The following NBAS variants were observed in gnomAD, a reference collection of about 807,000 sequenced individuals.
NBAS encodes NAG/BC035112 fusion.
Under a neutral mutation model 302.5 loss-of-function variants are expected in NBAS, and 219 were observed. The observed-to-expected ratio is 0.72, with a 90% CI of 0.65 to 0.81. The LOEUF (loss-of-function observed/expected upper bound fraction) is 0.81. Among genes scored for constraint, NBAS ranks in the 30% least tolerant of loss-of-function variants. NBAS has a pLI of 0.00. For missense variants in NBAS, 2,932 were observed against 2,841.6 expected (o/e 1.03, Z -0.72); for synonymous variants, 1,118 against 1,021.6 (o/e 1.09, Z -1.80).
chr2:14,797,065 T>C, the NBAS span, among the ~76,000 whole-genome samples: 1 of 142,386 alleles, frequency 7.0e-6, no homozygotes, highest in African/African-American at 2.6e-5. Context: ...CACTGCACTG[T>C]AGCCTGGGCA....
chr2:15,018,183 C>G, the NBAS span, among the ~76,000 whole-genome samples: 53 of 151,868 alleles, frequency 3.5e-4, no homozygotes, highest in Admixed American at 5.9e-4. Context: ...TTAAAGAATA[C>G]AAAATTACAG....
chr2:14,964,235 T>C, the NBAS span, among the ~76,000 whole-genome samples: 1 of 152,048 alleles, frequency 6.6e-6, no homozygotes, highest in Admixed American at 6.6e-5. Context: ...GACACAGACG[T>C]TGGGATTAGA....
chr2:14,925,785 C>T, the NBAS span, among the ~76,000 whole-genome samples: 1 of 152,142 alleles, frequency 6.6e-6, no homozygotes, highest in East Asian at 1.9e-4. Flanking sequence ...TGTGAGCCCC[C>T]AAAATGCAAG....
chr2:15,180,891 G>A (rs576459646), intron 50 of NBAS, among the ~76,000 whole-genome samples: 5 of 152,290 alleles, frequency 3.3e-5, no homozygotes, highest in South Asian at 4.1e-4. Flanking sequence ...CTGATTAACC[G>A]TCTACTTGCT....
chr2:14,995,195 T>C, the NBAS span, among the ~76,000 whole-genome samples: 2 of 152,188 alleles, frequency 1.3e-5, no homozygotes, highest in South Asian at 4.1e-4. Context: ...TATCTCCTAA[T>C]ACTATCCCTC....
At chr2:15,052,076 C>T in the NBAS span, among the ~76,000 whole-genome samples, 1 of 152,158 alleles carries the variant, frequency 6.6e-6, no homozygotes, top group Non-Finnish European at 1.5e-5. Flanking sequence ...AGAGCAGAGG[C>T]CAGACTTTAC....
At chr2:14,950,567 C>A in the NBAS span, among the ~76,000 whole-genome samples, 7 of 152,118 alleles carry the variant, frequency 4.6e-5, 1 homozygote, top group Admixed American at 2.0e-4. Flanking sequence ...TTTTAAAAAA[C>A]AAGACTGAAA....
the NBAS span, among the ~76,000 whole-genome samples, chr2:14,930,071 C>T: frequency 1.3e-5 from 2 of 152,318 alleles, no homozygotes; most frequent in East Asian, 3.9e-4. Context: ...GGCCTCCCAG[C>T]CATTCTTCCT....
chr2:14,861,199 C>T, the NBAS span, among the ~76,000 whole-genome samples: 221 of 152,332 alleles, frequency 1.5e-3, no homozygotes, highest in African/African-American at 4.5e-3. Context: ...TGGAGCTTTG[C>T]ACATTACAGA....
the NBAS span, among the ~76,000 whole-genome samples, chr2:14,791,215 C>A: frequency 6.6e-6 from 1 of 151,740 alleles, no homozygotes; most frequent in South Asian, 2.1e-4. Flanking sequence ...GGTCTTGAAC[C>A]CCCAACCTCA....
At chr2:14,798,097 G>A in the NBAS span, among the ~76,000 whole-genome samples, 5 of 151,920 alleles carry the variant, frequency 3.3e-5, no homozygotes, top group Non-Finnish European at 7.4e-5. Flanking sequence ...TCTTTGTCTT[G>A]CCTTATTCTA....
chr2:15,317,795 G>C (rs1386987931), intron 38 of NBAS, among the ~76,000 whole-genome samples: 3 of 152,222 alleles, frequency 2.0e-5, no homozygotes, highest in Non-Finnish European at 4.4e-5. Flanking sequence ...AAGTGACGGG[G>C]AGAATGGAAA....
the NBAS span, among the ~76,000 whole-genome samples, chr2:14,952,237 C>T: frequency 1.2e-3 from 190 of 152,302 alleles, no homozygotes; most frequent in Non-Finnish European, 1.6e-3. Flanking sequence ...ATGGCACTCT[C>T]ACGCCCAGGT....
At chr2:15,215,533 TTA>T (rs1260371869) in intron 48 of NBAS, among the ~76,000 whole-genome samples, 1 of 152,244 alleles carries the variant, frequency 6.6e-6, no homozygotes, top group Non-Finnish European at 1.5e-5. Context: ...TTATCTATTC[TTA>T]TCCTTACTCT....
chr2:14,897,346 A>G, the NBAS span, among the ~76,000 whole-genome samples: 1 of 152,140 alleles, frequency 6.6e-6, no homozygotes, highest in Non-Finnish European at 1.5e-5. Context: ...AATTATTTAA[A>G]TATCCACTTT....
chr2:15,096,413 A>G, the NBAS span, among the ~76,000 whole-genome samples: 1 of 152,188 alleles, frequency 6.6e-6, no homozygotes, highest in Admixed American at 6.5e-5. Flanking sequence ...ACTGACCCTC[A>G]CTGAAGCCAT....
At chr2:14,858,577 G>T in the NBAS span, among the ~76,000 whole-genome samples, 1 of 151,964 alleles carries the variant, frequency 6.6e-6, no homozygotes, top group Non-Finnish European at 1.5e-5. Flanking sequence ...GACAAACTTC[G>T]CATCAACTCA....
chr2:15,381,740 G>C (rs771217800), intron 29 of NBAS, among the ~76,000 whole-genome samples: 2 of 152,204 alleles, frequency 1.3e-5, no homozygotes, highest in Non-Finnish European at 2.9e-5. Context: ...AAAAGGGGAA[G>C]ACAATGGCAG....
the NBAS span, among the ~76,000 whole-genome samples, chr2:14,787,650 C>T: frequency 5.3e-5 from 8 of 152,254 alleles, no homozygotes; most frequent in South Asian, 8.3e-4. Flanking sequence ...GATATTGGCC[C>T]CCACTCTCTT....
Sources: gnomAD v4.1 joint callset for allele counts (sites outside exome capture counted in the v4.1 genomes callset) on GRCh38, gnomAD v4.1.1 for gene constraint, MANE v1.5 for transcripts, NCBI Gene and HGNC (gene_info 2026-07-23, HGNC 2026-07-21) for gene names.